Variants in CDK14 observed in about 807,000 individuals in gnomAD.
CDK14 encodes cyclin-dependent kinase 14.
Under a neutral mutation model 60.7 loss-of-function variants are expected in CDK14, and 34 were observed. The ratio of observed to expected loss-of-function variants is 0.56; its 90% confidence interval spans 0.43 to 0.75. The LOEUF (loss-of-function observed/expected upper bound fraction) is 0.75. Among genes scored for constraint, CDK14 ranks in the 30% least tolerant of loss-of-function variants. The pLI is 0.00. For synonymous variants in CDK14, 197 were observed against 203.7 expected, an observed-to-expected ratio of 0.97 and a Z score of 0.28; for missense variants, 482 against 564.1, an observed-to-expected ratio of 0.85 and a Z score of 1.47.
intron 14 of CDK14, among the ~76,000 whole-genome samples, chr7:91,184,121 C>T (rs1802093201): frequency 6.9e-6 from 1 of 144,446 alleles, no homozygotes; most frequent in Non-Finnish European, 1.5e-5. Context: ...AGGAGAATCA[C>T]TTGAACCCAG....
At chr7:90,646,872 A>C (rs188179560) in intron 2 of CDK14, among the ~76,000 whole-genome samples, 2 of 152,162 alleles carry the variant, frequency 1.3e-5, no homozygotes, top group Admixed American at 6.5e-5. Flanking sequence ...TAGTTTTGTT[A>C]ACAACTAAAT....
At position 90,857,778 on chromosome 7, in the gene CDK14, T is replaced by C. The variant is rs1482402361; in HGVS notation, c.545-5397T>C. ...TGGACTGACTTGGCAGCTAGGAGAC[T>C]CCCTTGCCTTGCTAACAGCAGGAAC... On this transcript the variant is annotated intron_variant, in intron 5 of 14. Coordinates refer to ENST00000380050, the MANE Select transcript of CDK14 (RefSeq NM_001287135.2). Among the ~76,000 whole-genome samples, 5 of 152,306 alleles carry C rather than the reference T, an allele frequency of 3.3e-5. No homozygotes were observed. The East Asian group carries it at 9.6e-4, about 29-fold the overall frequency.
At chr7:91,067,025 A>T (rs1798003857) in intron 11 of CDK14, among the ~76,000 whole-genome samples, 1 of 152,250 alleles carries the variant, frequency 6.6e-6, no homozygotes, top group African/African-American at 2.4e-5. Flanking sequence ...GAGAAAGTTG[A>T]CATTAAAGTA....
intron 11 of CDK14, among the ~76,000 whole-genome samples, chr7:91,056,870 C>G (rs1429139271): frequency 6.6e-6 from 1 of 152,136 alleles, no homozygotes; most frequent in East Asian, 1.9e-4. Context: ...AATAAACATA[C>G]GTGTGTACGT....
chr7:90,780,249 A>G (rs10226495), intron 4 of CDK14, among the ~76,000 whole-genome samples: 66,053 of 151,812 alleles, frequency 0.44, 15,172 homozygotes, highest in East Asian at 0.82. Flanking sequence ...ATTTAATTAT[A>G]CTGAGGTACA....
At chr7:90,652,027 C>A (rs561370006) in intron 2 of CDK14, among the ~76,000 whole-genome samples, 1 of 152,272 alleles carries the variant, frequency 6.6e-6, no homozygotes, top group South Asian at 2.1e-4. Context: ...TGGCCTCCAT[C>A]CTCACAGACA....
chr7:90,788,772 A>C (rs986674475), intron 4 of CDK14, among the ~76,000 whole-genome samples: 1 of 152,124 alleles, frequency 6.6e-6, no homozygotes, highest in African/African-American at 2.4e-5. Context: ...AATTCTTTCA[A>C]ACTCAGACAC....
chr7:90,792,068 A>C (rs1805855490), intron 5 of CDK14, among the ~76,000 whole-genome samples: 1 of 151,492 alleles, frequency 6.6e-6, no homozygotes. Context: ...ACGCCTGGCT[A>C]ATTTTTTATT....
chr7:90,955,013 T>C (rs756740190), intron 8 of CDK14, among the ~76,000 whole-genome samples: 2 of 152,022 alleles, frequency 1.3e-5, no homozygotes, highest in Non-Finnish European at 2.9e-5. Context: ...AAATTGCGTA[T>C]ACCTTTTCAC....
intron 2 of CDK14, among the ~76,000 whole-genome samples, chr7:90,660,939 T>G (rs1427055721): frequency 6.6e-6 from 1 of 152,196 alleles, no homozygotes; most frequent in Non-Finnish European, 1.5e-5. Context: ...CTTGAATACC[T>G]TTTTGTGGCC....
chr7:90,776,524 G>A (rs1184702784), intron 4 of CDK14, among the ~76,000 whole-genome samples: 1 of 152,148 alleles, frequency 6.6e-6, no homozygotes, highest in East Asian at 1.9e-4. Flanking sequence ...ATTAGAAACC[G>A]AGTGTGAGCT....
At chr7:91,009,386 C>T (rs923488572) in intron 10 of CDK14, among the ~76,000 whole-genome samples, 3 of 152,066 alleles carry the variant, frequency 2.0e-5, no homozygotes, top group Admixed American at 6.6e-5. Context: ...GTTGGATTCC[C>T]GTAAGAGTGG....
At chr7:90,621,620 C>CCTTT (rs1467452103) in intron 2 of CDK14, among the ~76,000 whole-genome samples, 112 of 85,222 alleles carry the variant, frequency 1.3e-3, no homozygotes, top group African/African-American at 4.4e-3. Context: ...TTTTTTCCTT[C>CCTTT]CTTCCTTCCT....
intron 14 of CDK14, among the ~76,000 whole-genome samples, chr7:91,191,647 T>C (rs1444129744): frequency 6.6e-6 from 1 of 151,774 alleles, no homozygotes. Flanking sequence ...TATGTTTGCG[T>C]GTATGTGAGT....
rs1432563953 is a variant in CDK14 at position 91,091,721 on chromosome 7, A to AAAAG, written c.1154+12241_1154+12242insAAAG. ...AGGAAGGAAGGAGGGAGGGAAGGAA[A>AAAAG]GAAGGAAGGAAGGAAGGAAGGAAGG... On this transcript the variant is annotated intron_variant, in intron 12 of 14. Transcript: ENST00000380050. Among the ~76,000 whole-genome samples the AAAAG allele has an allele frequency of 1.2e-4, 12 of 103,812 alleles. 1 individual carries two copies. Among genetic ancestry groups the AAAAG allele is most frequent in the East Asian group, 4.2e-4 (1 of 2,362 alleles). The allele number at this position is 103,812 out of a possible 152,430, so 68.1% of individuals were successfully genotyped here.
At chr7:90,696,639 T>C (rs1450287491) in intron 2 of CDK14, among the ~76,000 whole-genome samples, 3 of 152,180 alleles carry the variant, frequency 2.0e-5, no homozygotes, top group Non-Finnish European at 4.4e-5. Context: ...AGTATTTGGA[T>C]ATGTGAGTCT....
rs189693280 is a variant in CDK14, at chr7:90,747,826, T to C, written c.464+51T>C. 58 of 807,068 alleles carry C rather than the reference T, an allele frequency of 7.2e-5. No individual in the cohort carries two copies. In the East Asian group the frequency reaches 1.5e-3, roughly 21 times the overall value. The allele number at this position is 807,068 out of a possible 1,614,324, so 50.0% of individuals were successfully genotyped here. A position where few individuals can be genotyped will look rare whatever the true frequency, so the allele number is the denominator to read the frequency against. ...TCACATGTACAGTGTATCTGCCCTC[T>C]TATTACTAAATAGCATTTTATTTAA... On this transcript the variant is annotated intron_variant, in intron 4 of 14. Transcript: ENST00000380050.
At chr7:90,818,949 C>T (rs867001106) in intron 5 of CDK14, among the ~76,000 whole-genome samples, 1 of 151,330 alleles carries the variant, frequency 6.6e-6, no homozygotes, top group African/African-American at 2.4e-5. Flanking sequence ...TTATTTGCTG[C>T]CATAATATTA....
chr7:90,784,353 A>G (rs1805477433), intron 4 of CDK14, among the ~76,000 whole-genome samples: 1 of 152,218 alleles, frequency 6.6e-6, no homozygotes, highest in African/African-American at 2.4e-5. Flanking sequence ...TGGTAGCACA[A>G]TAGGATGACT....
Sources: allele counts gnomAD v4.1 joint callset (sites outside exome capture counted in the v4.1 genomes callset), GRCh38; gene constraint gnomAD v4.1.1; transcripts MANE v1.5; gene names NCBI Gene and HGNC (gene_info 2026-07-23, HGNC 2026-07-21).